Variants in PLD2 observed in about 807,000 individuals in gnomAD.
PLD2 encodes choline phosphatase 2.
In PLD2, 101 loss-of-function variants were observed where a neutral mutation model predicts 119.8. The ratio of observed to expected loss-of-function variants is 0.84; its 90% confidence interval spans 0.72 to 0.99. The LOEUF (loss-of-function observed/expected upper bound fraction) is 0.99. Among genes scored for constraint, PLD2 ranks in the 50% least tolerant of loss-of-function variants. The pLI, the probability that PLD2 is intolerant of heterozygous loss-of-function variation, is 0.00. For synonymous variants in PLD2, 494 were observed against 482.8 expected, an observed-to-expected ratio of 1.02 and a Z score of -0.30; for missense variants, 1,164 against 1,226.8, an observed-to-expected ratio of 0.95 and a Z score of 0.76.
intron 23 of PLD2, 100 bp from the exon 24 acceptor site, chr17:4,821,693 C>A: frequency 2.4e-6 from 2 of 829,806 alleles, no homozygotes; most frequent in South Asian, 1.5e-5. Flanking sequence ...CCGCACCCAG[C>A]CAATTTTGAA....
rs117920587 is a variant in PLD2 at position 4,818,231 on chromosome 17, A to C, written c.1921-66A>C. ...AGCAGACGCCTGGAGCCTGGGACCA[A>C]GGCTGGAGGCCGAGGACAGGGCCAG... On this transcript the variant is annotated intron_variant, in intron 18 of 24. Transcript: ENST00000263088. 1.0e-2 allele frequency: 14,946 copies of C among 1,496,158 alleles called. 142 individuals are homozygous for C. Among genetic ancestry groups the C allele is most frequent in the Admixed American group, 0.041 (2,381 of 58,672 alleles). 92.7% of individuals were successfully genotyped at this position (1,496,158 alleles called of 1,614,324 possible). A position where few individuals can be genotyped will look rare whatever the true frequency, so the allele number is the denominator to read the frequency against.
At chr17:4,818,412 G>T (rs1031072983) in intron 19 of PLD2, 27 bp downstream of exon 19, 1 of 1,611,982 alleles carries the variant, frequency 6.2e-7, no homozygotes, top group Non-Finnish European at 8.5e-7. Context: ...GGAAGGTGGG[G>T]ACTGTGGGTG....
intron 10 of PLD2, 94 bp from the exon 11 acceptor site, chr17:4,814,324 G>A: frequency 2.0e-6 from 3 of 1,523,288 alleles, no homozygotes; most frequent in Non-Finnish European, 2.6e-6. Context: ...TGACCTTGCT[G>A]TCACCTCTGA....
In PLD2 at chr17:4,817,240, G is replaced by T; in HGVS notation, c.1796G>T (p.Gly599Val). The T allele has an allele frequency of 6.2e-7, 1 of 1,612,512 alleles. No individual in the cohort carries two copies. The highest frequency in any genetic ancestry group is 8.5e-7 in the Non-Finnish European group (1 of 1,178,600). Residue 599 changes from glycine to valine, a missense_variant, in exon 17 of 25, where the codon GGG becomes GTG. Coordinates refer to ENST00000263088, the MANE Select transcript of PLD2 (RefSeq NM_002663.5). ...CAGCTCCCCTTCACACTTCCAGGAG[G>T]GCAGTGCACCACCGTACAGGTGAGG... ...ANQLPFTLPG[G>V]QCTTVQVLRS...
rs74909490 is a variant in PLD2, at chr17:4,810,040, C to T, written c.860+11C>T. The T allele has an allele frequency of 1.1e-3, 1,839 of 1,611,858 alleles. 45 individuals carry two copies. In the East Asian group the frequency reaches 0.032, roughly 28 times the overall value. ...CGATACCTCCCACAGGTGAGGCCTC[C>T]CTGGGGTGAGAGACACCAGCTGAGT... On this transcript the variant is annotated intron_variant, in intron 9 of 24. Transcript: ENST00000263088.
chr17:4,809,501 CCTGGAAGTCAGTCAG>C lies in PLD2; in HGVS notation c.568_582del (p.Glu190_Leu194del). On this transcript the variant is annotated inframe_deletion, in exon 7 of 25. Transcript: ENST00000263088. ...TTTGTTTTCCTCTGCAGACAGAGTT[CCTGGAAGTCAGTCAG>C]CTGTCCTTTATCCCGGACTTGGGCC... 1 of 1,607,614 alleles carries C rather than the reference CCTGGAAGTCAGTCAG, an allele frequency of 6.2e-7. No individual in the cohort carries two copies. Among genetic ancestry groups the C allele is most frequent in the Non-Finnish European group, 8.5e-7 (1 of 1,176,244 alleles).
chr17:4,810,227 G>C (rs1179625951), intron 9 of PLD2, among the ~76,000 whole-genome samples, 198 bp downstream of exon 9: 1 of 152,208 alleles, frequency 6.6e-6, no homozygotes, highest in East Asian at 1.9e-4. Context: ...AAGGGGATTA[G>C]TAGAAGCCTG....
Position 4,808,983 on chromosome 17 carries a change from C to G in PLD2, c.384-117C>G, listed in dbSNP as rs542737191. 6.5e-6 allele frequency: 5 copies of G among 770,390 alleles called. No homozygotes were observed. The South Asian group carries it at 8.0e-5, about 12-fold the overall frequency. The allele number at this position is 770,390 out of a possible 1,614,324, so 47.7% of individuals were successfully genotyped here. ...TGCTGGGATTCCAGGCGTGAGCCAC[C>G]ACGCCTGGCCACCTCCAGGCCTCTT... On this transcript the variant is annotated intron_variant, in intron 4 of 24. Coordinates refer to ENST00000263088, the MANE Select transcript of PLD2 (RefSeq NM_002663.5). This position sits in a 1 kb window ranked among gnomAD's most constrained non-coding sequence, Gnocchi z 4.1.
At position 4,822,998 on chromosome 17, in the gene PLD2, G is replaced by A. The variant is rs1297962103; in HGVS notation, c.*134G>A. The stretch of plus-strand genomic sequence containing the variant: ...GCAGGCATTCCTGAAGGGAACTAGA[G>A]GTGTTACAGAGGACCCTTACGTGAG... On this transcript the variant is annotated 3_prime_UTR_variant, in exon 25 of 25. Transcript: ENST00000263088. The A allele has an allele frequency of 1.8e-5, 11 of 608,458 alleles. No homozygotes were observed. The African/African-American group carries it at 1.8e-4, about 10-fold the overall frequency. 37.7% of individuals were successfully genotyped at this position (608,458 alleles called of 1,614,324 possible).
intron 12 of PLD2, among the ~76,000 whole-genome samples, chr17:4,815,227 G>C (rs1382084034): frequency 6.6e-6 from 1 of 152,058 alleles, no homozygotes; most frequent in East Asian, 1.9e-4. Flanking sequence ...AAAGGGATGA[G>C]TAAATGCTTG....
intron 7 of PLD2, 43 bp downstream of exon 7, chr17:4,809,594 C>T: frequency 6.2e-7 from 1 of 1,608,666 alleles, no homozygotes; most frequent in Non-Finnish European, 8.5e-7. Flanking sequence ...GTAGACATCA[C>T]TCTTAATTTC....
Position 4,819,721 on chromosome 17 carries a change from G to T in PLD2, c.2462+139G>T. The stretch of plus-strand genomic sequence containing the variant: ...ACTAGATTCTCAATAGGCAAGGCTG[G>T]GCGCGGCAGCTCACGCCTCTAATCC... On this transcript the variant is annotated intron_variant, in intron 23 of 24. Transcript: ENST00000263088. This position sits in a 1 kb window ranked among gnomAD's most constrained non-coding sequence, Gnocchi z 4.2. 1 of 862,146 alleles carries T rather than the reference G, an allele frequency of 1.2e-6. No individual in the cohort carries two copies. The highest frequency in any genetic ancestry group is 1.7e-6 in the Non-Finnish European group (1 of 578,624). 53.4% of individuals were successfully genotyped at this position (862,146 alleles called of 1,614,324 possible).
chr17:4,809,372 C>T lies in PLD2; in HGVS notation c.555+9C>T. ...GCAACTACCATGCCATGGTAAGGTC[C>T]AGGGGCCGATTTTAGATGTGGAGCA... On this transcript the variant is annotated intron_variant, in intron 6 of 24. Transcript: ENST00000263088. 2 of 1,613,880 alleles carry T rather than the reference C, an allele frequency of 1.2e-6. No individual in the cohort carries two copies. The highest frequency in any genetic ancestry group is 1.7e-6 in the Non-Finnish European group (2 of 1,179,718).
Position 4,815,761 on chromosome 17 carries a change from C to T in PLD2, c.1285-3C>T, listed in dbSNP as rs1906904103. 3.1e-6 allele frequency: 5 copies of T among 1,613,714 alleles called. No individual in the cohort carries two copies. The African/African-American group carries it at 5.3e-5, about 17-fold the overall frequency. On this transcript the variant is annotated splice_polypyrimidine_tract_variant and splice_region_variant and intron_variant, in intron 13 of 24. Transcript: ENST00000263088. ...CCTCATGAACCCTCCATGCCTGCTC[C>T]AGGTGATGCGTCACCCAGACCAAGT...
chr17:4,819,587 A>T lies in PLD2; in HGVS notation c.2462+5A>T. ...TCTGCGGAAGCACTGCTTCGGGTAG[A>T]GCTGGGGCGGGATGCCACAGGGTGG... On this transcript the variant is annotated splice_donor_5th_base_variant and intron_variant, in intron 23 of 24. Transcript: ENST00000263088. This position sits in a 1 kb window ranked among gnomAD's most constrained non-coding sequence, Gnocchi z 4.2. 6.2e-7 allele frequency: 1 copy of T among 1,602,618 alleles called. No homozygotes were observed. Among genetic ancestry groups the T allele is most frequent in the Non-Finnish European group, 8.5e-7 (1 of 1,173,162 alleles).
intron 10 of PLD2, among the ~76,000 whole-genome samples, chr17:4,813,697 A>G (rs1906689083): frequency 2.0e-5 from 3 of 152,204 alleles, no homozygotes. Flanking sequence ...CGTCTCTACT[A>G]AAAATACAAA....
At chr17:4,820,971 C>T (rs138824567) in intron 23 of PLD2, among the ~76,000 whole-genome samples, 2,350 of 150,086 alleles carry the variant, frequency 0.016, 52 homozygotes, top group African/African-American at 0.054. Context: ...GGCGCGATCT[C>T]GGCTCACTGC....
rs192304512 is a variant in PLD2 at position 4,820,613 on chromosome 17, T to C, written c.2462+1031T>C. On this transcript the variant is annotated intron_variant, in intron 23 of 24. Coordinates refer to ENST00000263088, the MANE Select transcript of PLD2 (RefSeq NM_002663.5). ...TTTTTTTTGAGAGGGAGTCTCACTG[T>C]CGCCCAGGCTGGAGTGCAGTGGCGC... Among the ~76,000 whole-genome samples, 246 of 147,952 alleles carry C rather than the reference T, an allele frequency of 1.7e-3. 1 individual carries two copies. In the Middle Eastern group the frequency reaches 0.021, roughly 13 times the overall value.
intron 23 of PLD2, among the ~76,000 whole-genome samples, chr17:4,820,662 G>A (rs1907579700): frequency 2.1e-5 from 3 of 145,220 alleles, no homozygotes; most frequent in African/African-American, 5.1e-5. Context: ...TGCAGGCTCC[G>A]CCGCCCAGGG....
Sources: allele counts gnomAD v4.1 joint callset (sites outside exome capture counted in the v4.1 genomes callset), GRCh38; gene constraint gnomAD v4.1.1; non-coding constraint Gnocchi (gnomAD v3.1); transcripts MANE v1.5; gene names NCBI Gene and HGNC (gene_info 2026-07-23, HGNC 2026-07-21).